ZMAT4: variants seen among roughly 807,000 people sequenced by gnomAD.
ZMAT4 encodes zinc finger matrin-type protein 4.
In ZMAT4, 17 loss-of-function variants were observed where a neutral mutation model predicts 28.7. The ratio of observed to expected loss-of-function variants is 0.59; its 90% CI spans 0.41 to 0.89. The LOEUF is 0.89. ZMAT4 is among the 40% of genes least tolerant of loss of function. The pLI, the probability that ZMAT4 is intolerant of heterozygous loss-of-function variation, is 0.00. For missense variants in ZMAT4, 240 were observed against 283.8 expected, an observed-to-expected ratio of 0.85 and a Z score of 1.11; for synonymous variants, 117 against 109.2, an observed-to-expected ratio of 1.07 and a Z score of -0.44.
At chr8:40,820,188 GC>G (rs1287484409) in intron 2 of ZMAT4, among the ~76,000 whole-genome samples, 1 of 150,332 alleles carries the variant, frequency 6.7e-6, no homozygotes, top group Admixed American at 6.6e-5. Context: ...GTGTGTGTGG[GC>G]GGGTGTGTAT....
At chr8:40,808,461 C>T in intron 2 of ZMAT4, 1 of 419,454 alleles carries the variant, frequency 2.4e-6, no homozygotes, top group Non-Finnish European at 4.7e-6. Flanking sequence ...TAAATGTTAA[C>T]ATCTTTCTAA....
intron 3 of ZMAT4, among the ~76,000 whole-genome samples, chr8:40,740,834 T>A (rs1028529032): frequency 1.8e-4 from 27 of 152,160 alleles, no homozygotes; most frequent in Admixed American, 5.2e-4. Context: ...CAGAAATGTG[T>A]GAACTGATTT....
chr8:40,834,492 A>T (rs538455160), intron 1 of ZMAT4, among the ~76,000 whole-genome samples: 2 of 152,286 alleles, frequency 1.3e-5, no homozygotes, highest in Admixed American at 1.3e-4. Flanking sequence ...AGTCCTGGAC[A>T]TACAACATCA....
intron 3 of ZMAT4, among the ~76,000 whole-genome samples, chr8:40,708,188 T>G (rs932775213): frequency 6.6e-6 from 1 of 152,198 alleles, no homozygotes; most frequent in African/African-American, 2.4e-5. Context: ...AGAGCTCTGC[T>G]GGACCTGGAG....
At chr8:40,880,183 C>A (rs983378285) in intron 1 of ZMAT4, among the ~76,000 whole-genome samples, 1 of 152,236 alleles carries the variant, frequency 6.6e-6, no homozygotes, top group African/African-American at 2.4e-5. Flanking sequence ...GCCTGGCCCA[C>A]ATGGTGAAAC....
intron 3 of ZMAT4, among the ~76,000 whole-genome samples, chr8:40,738,236 A>G (rs1057434571): frequency 2.7e-5 from 4 of 149,410 alleles, no homozygotes; most frequent in Non-Finnish European, 5.9e-5. Flanking sequence ...CAGTGGAGAC[A>G]AAGAGAATTC....
At position 40,580,316 on chromosome 8, in the gene ZMAT4, C is replaced by A. The variant is rs557488024; in HGVS notation, c.674+849G>T. 3.3e-5 allele frequency among the ~76,000 whole-genome samples: 5 copies of A among 152,088 alleles called. No homozygotes were observed. In the South Asian group the frequency reaches 1.0e-3, roughly 32 times the overall value. ...CATGAGCCACCGCACCCGGCCTATT[C>A]ATCTTTTCTTCCCTAGTGCACAGCT... On this transcript the variant is annotated intron_variant, in intron 6 of 6. Transcript: ENST00000297737.
intron 5 of ZMAT4, among the ~76,000 whole-genome samples, chr8:40,640,957 C>CA (rs557407610): frequency 0.022 from 1,613 of 74,526 alleles, 33 homozygotes; most frequent in East Asian, 0.085. Context: ...GACTCCATCT[C>CA]AAAAAAAAAA....
chr8:40,748,607 C>T (rs1019262361), intron 3 of ZMAT4, among the ~76,000 whole-genome samples: 10 of 152,124 alleles, frequency 6.6e-5, no homozygotes, highest in Non-Finnish European at 7.4e-5. Flanking sequence ...CCAAGCAAAG[C>T]CCCAATGTGC....
intron 2 of ZMAT4, among the ~76,000 whole-genome samples, chr8:40,770,593 G>C (rs551793785): frequency 7.2e-6 from 1 of 138,024 alleles, no homozygotes; most frequent in African/African-American, 2.7e-5. Context: ...TGTCGCCCAG[G>C]CTGGAGTGCA....
chr8:40,882,289 C>G (rs1462912975), intron 1 of ZMAT4, among the ~76,000 whole-genome samples: 1 of 152,112 alleles, frequency 6.6e-6, no homozygotes, highest in East Asian at 1.9e-4. Context: ...TTTGGGTTCC[C>G]TTTAAATCTG....
At chr8:40,734,599 G>A (rs1811683948) in intron 3 of ZMAT4, among the ~76,000 whole-genome samples, 1 of 152,074 alleles carries the variant, frequency 6.6e-6, no homozygotes, top group Admixed American at 6.6e-5. Flanking sequence ...GAAGACTCTG[G>A]TAATCACCCG....
intron 3 of ZMAT4, among the ~76,000 whole-genome samples, chr8:40,766,520 C>G (rs1813166128): frequency 6.6e-6 from 1 of 152,176 alleles, no homozygotes; most frequent in South Asian, 2.1e-4. Context: ...AAACTAGACT[C>G]AGTCCCGGCT....
In ZMAT4 at chr8:40,659,608, C is replaced by T. The variant is rs189978908; in HGVS notation, c.577+15096G>A. ...TAAGCTTGAACAATCTGATATTTCA[C>T]GTATTCTGGAGGTGCAATTATTCAC... is the stretch of plus-strand genomic sequence containing the variant. On this transcript the variant is annotated intron_variant, in intron 5 of 6. Coordinates refer to ENST00000297737, the MANE Select transcript of ZMAT4 (RefSeq NM_024645.3). Among the ~76,000 whole-genome samples, 32 of 152,198 alleles carry T rather than the reference C, an allele frequency of 2.1e-4. No individual in the cohort carries two copies. The East Asian group carries it at 3.1e-3, about 15-fold the overall frequency.
intron 1 of ZMAT4, among the ~76,000 whole-genome samples, chr8:40,867,146 A>T (rs1235597225): frequency 6.6e-6 from 1 of 151,948 alleles, no homozygotes; most frequent in Non-Finnish European, 1.5e-5. Flanking sequence ...CCTGCATCTT[A>T]CCCCTTAGGC....
intron 2 of ZMAT4, among the ~76,000 whole-genome samples, chr8:40,782,636 A>C (rs1046378807): frequency 6.6e-6 from 1 of 152,168 alleles, no homozygotes; most frequent in Non-Finnish European, 1.5e-5. Context: ...TTCATTCAAA[A>C]ACTATTGCAA....
intron 5 of ZMAT4, among the ~76,000 whole-genome samples, chr8:40,619,703 C>A (rs1321087887): frequency 1.3e-5 from 2 of 152,174 alleles, no homozygotes; most frequent in Non-Finnish European, 2.9e-5. Context: ...TGCCAGCCAG[C>A]AATTGTATTT....
intron 5 of ZMAT4, among the ~76,000 whole-genome samples, chr8:40,625,802 G>C (rs1455712212): frequency 3.3e-5 from 5 of 150,252 alleles, no homozygotes; most frequent in South Asian, 2.1e-4. Flanking sequence ...AAATTTGTTA[G>C]TCATCTGCAT....
intron 3 of ZMAT4, among the ~76,000 whole-genome samples, chr8:40,754,055 T>C (rs1010169015): frequency 6.6e-6 from 1 of 151,608 alleles, no homozygotes; most frequent in Admixed American, 6.6e-5. Context: ...GCCTGTAGTC[T>C]CAGCTACTCG....
Sources: gnomAD v4.1 joint callset for allele counts (sites outside exome capture counted in the v4.1 genomes callset) on GRCh38, gnomAD v4.1.1 for gene constraint, MANE v1.5 for transcripts, NCBI Gene and HGNC (gene_info 2026-07-23, HGNC 2026-07-21) for gene names.